Variants in WAC observed in about 807,000 individuals in gnomAD.
WAC encodes WW domain containing adaptor with coiled-coil, also known as WW domain-containing adapter protein with coiled-coil.
Under a neutral mutation model 79.6 loss-of-function variants are expected in WAC, and 11 were observed. The observed-to-expected ratio is 0.14, with a 90% CI of 0.09 to 0.23. WAC has a LOEUF of 0.23. WAC is among the 10% of genes least tolerant of loss of function. The probability of loss-of-function intolerance (pLI) is 1.00; values close to 1 mark genes in which losing one functional copy is unlikely to be tolerated. For missense variants in WAC, 728 were observed against 773.5 expected (o/e 0.94, Z 0.70); for synonymous variants, 304 against 276.9 (o/e 1.10, Z -0.97).
intron 3 of WAC, among the ~76,000 whole-genome samples, chr10:28,548,739 T>C (rs768211531): frequency 2.6e-5 from 4 of 152,190 alleles, no homozygotes; most frequent in Non-Finnish European, 4.4e-5. Context: ...TGTTTGGGAA[T>C]ACGAGACTAG....
rs1275043672 is a variant in WAC at position 28,608,182 on chromosome 10, T to G, written c.920-4T>G. 6.2e-7 allele frequency: 1 copy of G among 1,613,080 alleles called. No homozygotes were observed. Among genetic ancestry groups the G allele is most frequent in the Non-Finnish European group, 8.5e-7 (1 of 1,179,484 alleles). ...TTTTTCAGGCTGATTATCTTTTTAT[T>G]TAGAATCTACATCAGGAGACAAACC... is the stretch of plus-strand genomic sequence containing the variant. On this transcript the variant is annotated splice_polypyrimidine_tract_variant and splice_region_variant and intron_variant, in intron 7 of 13. Transcript: ENST00000354911.
At chr10:28,574,838 A>G (rs1267523526) in intron 3 of WAC, among the ~76,000 whole-genome samples, 1 of 152,190 alleles carries the variant, frequency 6.6e-6, no homozygotes, top group Non-Finnish European at 1.5e-5. Flanking sequence ...GCTGGCTCAT[A>G]TAACTGATTG....
At chr10:28,580,250 A>G (rs1839464697) in intron 3 of WAC, among the ~76,000 whole-genome samples, 1 of 152,160 alleles carries the variant, frequency 6.6e-6, no homozygotes, top group Non-Finnish European at 1.5e-5. Context: ...TTAGTTGGTA[A>G]CTTCTGTCAG....
chr10:28,534,151 A>G, intron 2 of WAC, 117 bp downstream of exon 2: 1 of 987,820 alleles, frequency 1.0e-6, no homozygotes, highest in South Asian at 1.8e-5. Context: ...ACACATCTGA[A>G]ACTAGCACCG....
At chr10:28,552,702 TGTATGCTG>T (rs1837747037) in intron 3 of WAC, among the ~76,000 whole-genome samples, 1 of 152,168 alleles carries the variant, frequency 6.6e-6, no homozygotes, top group African/African-American at 2.4e-5. Flanking sequence ...CATTTAGGAT[TGTATGCTG>T]GTAGAGAGTA....
chr10:28,579,857 G>A (rs978215463), intron 3 of WAC, among the ~76,000 whole-genome samples: 3 of 152,046 alleles, frequency 2.0e-5, no homozygotes, highest in African/African-American at 7.3e-5. Flanking sequence ...TTATTCAGGG[G>A]CAAATCTGCA....
intron 3 of WAC, among the ~76,000 whole-genome samples, chr10:28,549,129 C>G (rs1330791115): frequency 2.0e-5 from 3 of 151,700 alleles, no homozygotes; most frequent in Non-Finnish European, 4.4e-5. Context: ...GAACTCCTGG[C>G]TTTAAGTAAT....
At chr10:28,605,382 T>C (rs1293515626) in intron 7 of WAC, among the ~76,000 whole-genome samples, 3 of 152,206 alleles carry the variant, frequency 2.0e-5, no homozygotes, top group African/African-American at 7.2e-5. Flanking sequence ...GTATCTGGTT[T>C]GTTTTGTTTT....
chr10:28,537,288 T>C (rs1210665475), intron 3 of WAC, among the ~76,000 whole-genome samples: 1 of 152,210 alleles, frequency 6.6e-6, no homozygotes, highest in African/African-American at 2.4e-5. Flanking sequence ...GTGGGTAAGT[T>C]TTCCATAGTA....
chr10:28,583,122 TAA>T (rs1276162511), intron 3 of WAC, among the ~76,000 whole-genome samples: 1 of 152,136 alleles, frequency 6.6e-6, no homozygotes, highest in Non-Finnish European at 1.5e-5. Context: ...CTACAAATGA[TAA>T]AGATAAGGTT....
chr10:28,605,788 A>G (rs1840911568), intron 7 of WAC, among the ~76,000 whole-genome samples: 2 of 152,184 alleles, frequency 1.3e-5, no homozygotes, highest in Non-Finnish European at 2.9e-5. Flanking sequence ...AACACCTTGC[A>G]CTTTCTTCTC....
chr10:28,587,582 C>T lies in WAC; in HGVS notation c.382-2154C>T, dbSNP rs549969297. On this transcript the variant is annotated intron_variant, in intron 4 of 13. Transcript: ENST00000354911. ...AAACTTTAAATGTTTGCAGGCCTTT[C>T]GTTTAAGTCCTCAATATTAGTTACT... 4.6e-5 allele frequency among the ~76,000 whole-genome samples: 7 copies of T among 152,306 alleles called. No homozygotes were observed. The East Asian group carries it at 7.7e-4, about 17-fold the overall frequency.
chr10:28,569,881 T>G (rs866633543), intron 3 of WAC, among the ~76,000 whole-genome samples: 1 of 152,240 alleles, frequency 6.6e-6, no homozygotes, highest in African/African-American at 2.4e-5. Flanking sequence ...TGGCAATATG[T>G]ACTTTCCCTT....
At chr10:28,581,394 C>T (rs1373325517) in intron 3 of WAC, among the ~76,000 whole-genome samples, 1 of 151,316 alleles carries the variant, frequency 6.6e-6, no homozygotes, top group Non-Finnish European at 1.5e-5. Flanking sequence ...TCAGTGAGCA[C>T]CTCTTTCACC....
intron 3 of WAC, among the ~76,000 whole-genome samples, chr10:28,540,629 C>T: frequency 6.6e-6 from 1 of 152,184 alleles, no homozygotes; most frequent in Non-Finnish European, 1.5e-5. Flanking sequence ...GGAAACATTG[C>T]ATAGAATATA....
At chr10:28,578,280 T>G (rs1839354319) in intron 3 of WAC, among the ~76,000 whole-genome samples, 1 of 152,210 alleles carries the variant, frequency 6.6e-6, no homozygotes, top group Non-Finnish European at 1.5e-5. Context: ...CTTTATTCAG[T>G]CCTATTTTTG....
At chr10:28,585,849 T>G (rs988666147) in intron 4 of WAC, among the ~76,000 whole-genome samples, 12 of 152,148 alleles carry the variant, frequency 7.9e-5, no homozygotes, top group Admixed American at 3.9e-4. Flanking sequence ...AAACTTTGAT[T>G]ATTAGGATTT....
Position 28,608,665 on chromosome 10 carries a change from A to G in WAC, c.1165+234A>G, listed in dbSNP as rs139494822. 2.1e-3 allele frequency: 1,017 copies of G among 492,714 alleles called. 2 individuals carry two copies. Among genetic ancestry groups the G allele is most frequent in the Middle Eastern group, 3.9e-3 (7 of 1,816 alleles). 30.5% of individuals were successfully genotyped at this position (492,714 alleles called of 1,614,324 possible). A position where few individuals can be genotyped will look rare whatever the true frequency, so the allele number is the denominator to read the frequency against. ...TTGGATCTTGTGTATATTTTTCAATACTTGTTATGTGTCTGGTAGTTACTG... is the reference window on the plus strand; with the variant it reads ...TTGGATCTTGTGTATATTTTTCAATGCTTGTTATGTGTCTGGTAGTTACTG... On this transcript the variant is annotated intron_variant, in intron 8 of 13. Transcript: ENST00000354911.
chr10:28,573,926 A>G (rs541997852), intron 3 of WAC, among the ~76,000 whole-genome samples: 15 of 147,626 alleles, frequency 1.0e-4, no homozygotes, highest in Admixed American at 3.4e-4. Context: ...AGGTTTGTCT[A>G]TTCTTAATGT....
Sources: allele counts gnomAD v4.1 joint callset (sites outside exome capture counted in the v4.1 genomes callset), GRCh38; gene constraint gnomAD v4.1.1; transcripts MANE v1.5; gene names NCBI Gene and HGNC (gene_info 2026-07-23, HGNC 2026-07-21).